ASTN1: variants seen among roughly 807,000 people sequenced by gnomAD.
ASTN1 encodes the protein astrotactin 1, also known as astrotactin-1.
Under a neutral mutation model 140.7 loss-of-function variants are expected in ASTN1, and 41 were observed. That is an observed-to-expected ratio of 0.29 (90% CI 0.23 to 0.38). The LOEUF is 0.38. Among genes scored for constraint, ASTN1 ranks in the 10% least tolerant of loss-of-function variants. The pLI is 1.00. For missense variants in ASTN1, 1,479 were observed against 1,678.8 expected (o/e 0.88, Z 2.08); for synonymous variants, 640 against 652.2 (o/e 0.98, Z 0.29).
At chr1:177,011,460 G>A (rs1021161448) in intron 8 of ASTN1, among the ~76,000 whole-genome samples, 1 of 152,068 alleles carries the variant, frequency 6.6e-6, no homozygotes, top group African/African-American at 2.4e-5. Flanking sequence ...GACCATAATA[G>A]GTAATGGGGT....
Position 177,068,485 on chromosome 1 carries a change from A to G in ASTN1, c.284-7220T>C, listed in dbSNP as rs542606184. Among the ~76,000 whole-genome samples, 31 of 152,178 alleles carry G rather than the reference A, an allele frequency of 2.0e-4. 1 individual carries two copies. Among genetic ancestry groups the G allele is most frequent in the Non-Finnish European group, 4.1e-4 (28 of 68,016 alleles). On this transcript the variant is annotated intron_variant, in intron 1 of 22. Coordinates refer to ENST00000361833, the MANE Select transcript of ASTN1 (RefSeq NM_004319.3). ...CATTACCCTTAAAGGCAAAAACAAC[A>G]GAGCCTCATAGCATGAGTGATTCAG...
At chr1:176,912,701 C>T (rs1670297308) in intron 16 of ASTN1, among the ~76,000 whole-genome samples, 1 of 152,166 alleles carries the variant, frequency 6.6e-6, no homozygotes. Context: ...TACTACCTCC[C>T]ATAATGGTAA....
chr1:177,112,487 A>G (rs1199867051), intron 1 of ASTN1, among the ~76,000 whole-genome samples: 2 of 152,192 alleles, frequency 1.3e-5, no homozygotes, highest in East Asian at 3.9e-4. Flanking sequence ...CACATGGGCA[A>G]CAATCAGACC....
Position 176,894,554 on chromosome 1 carries a change from C to T in ASTN1, c.2940+8G>A. 6.2e-7 allele frequency: 1 copy of T among 1,613,210 alleles called. No homozygotes were observed. The highest frequency in any genetic ancestry group is 1.1e-5 in the South Asian group (1 of 90,916). On this transcript the variant is annotated splice_region_variant and intron_variant, in intron 17 of 22. Coordinates refer to ENST00000361833, the MANE Select transcript of ASTN1 (RefSeq NM_004319.3). The stretch of plus-strand genomic sequence containing the variant: ...GCCTCCCAGAGCCAAGAGTCCCAGG[C>T]CTCTTACCCTCTGGGTCTGGTTGTT...
intron 1 of ASTN1, among the ~76,000 whole-genome samples, chr1:177,129,923 T>C (rs1558116966): frequency 6.6e-6 from 1 of 152,046 alleles, no homozygotes; most frequent in East Asian, 1.9e-4. Flanking sequence ...GCCAAGATCT[T>C]GACACTGCGC....
Position 176,906,492 on chromosome 1 carries a change from A to G in ASTN1, c.2672-11662T>C, listed in dbSNP as rs923708187. 2.0e-5 allele frequency among the ~76,000 whole-genome samples: 3 copies of G among 152,158 alleles called. No homozygotes were observed. The East Asian group carries it at 5.8e-4, about 29-fold the overall frequency. ...CGTGGGGCAGACAGAAGAGTAGACAATGATATGATAAGAGGTGTTATTAGT... is the reference window on the plus strand; with the variant it reads ...CGTGGGGCAGACAGAAGAGTAGACAGTGATATGATAAGAGGTGTTATTAGT... On this transcript the variant is annotated intron_variant, in intron 16 of 22. Transcript: ENST00000361833.
downstream of ASTN1, among the ~76,000 whole-genome samples, chr1:176,860,821 T>C (rs183545939): frequency 2.0e-5 from 3 of 152,336 alleles, no homozygotes; most frequent in East Asian, 5.8e-4. Flanking sequence ...GTGCAACAAA[T>C]ACATTTCACC....
intron 8 of ASTN1, among the ~76,000 whole-genome samples, chr1:176,999,774 G>A (rs1191429645): frequency 6.6e-6 from 1 of 152,150 alleles, no homozygotes; most frequent in Admixed American, 6.5e-5. Context: ...TCTCGGGATA[G>A]TGAGTGGGTT....
rs1349559702 is a variant in ASTN1, at chr1:176,876,527, T to C, written c.3463+10A>G. ...CCTTCAGAAACACTGCTAACTTCGA[T>C]GTCTCTTACCTTGAGCCTTGACATC... On this transcript the variant is annotated intron_variant, in intron 21 of 22. Transcript: ENST00000361833. 3.7e-6 allele frequency: 6 copies of C among 1,613,902 alleles called. No individual in the cohort carries two copies. The highest frequency in any genetic ancestry group is 5.1e-6 in the Non-Finnish European group (6 of 1,179,892).
chr1:177,036,016 G>C (rs1676697212), intron 2 of ASTN1, among the ~76,000 whole-genome samples: 1 of 150,270 alleles, frequency 6.7e-6, no homozygotes, highest in Non-Finnish European at 1.5e-5. Context: ...AGTGACTCTG[G>C]ATGGGATGAC....
intron 14 of ASTN1, 53 bp from the exon 15 acceptor site, chr1:176,936,423 A>T (rs1230404604): frequency 6.8e-6 from 10 of 1,472,252 alleles, no homozygotes; most frequent in Non-Finnish European, 8.5e-6. Flanking sequence ...ATAAGTTCCA[A>T]ATCAAAAAGC....
intron 14 of ASTN1, among the ~76,000 whole-genome samples, chr1:176,938,980 T>C (rs1210253284): frequency 6.6e-6 from 1 of 151,654 alleles, no homozygotes; most frequent in Non-Finnish European, 1.5e-5. Context: ...AAAAAACAGC[T>C]GGGTGCCTGT....
intron 16 of ASTN1, among the ~76,000 whole-genome samples, chr1:176,914,720 G>A (rs1670405722): frequency 6.6e-6 from 1 of 152,128 alleles, no homozygotes; most frequent in Admixed American, 6.5e-5. Context: ...AGACCGGAGG[G>A]AAAAATAGCC....
Position 177,164,659 on chromosome 1 carries a change from G to A in ASTN1, c.18C>T (p.Leu6=), listed in dbSNP as rs774838686. MALAG[L]CALLACCWGP... ...CCCAGCAGCAGGCGAGCAGGGCGCA[G>A]AGCCCGGCTAAAGCCATCTTGAGCC... The change falls in exon 1 of 23, where the codon CTC becomes CTT. Residue 6 remains leucine, a synonymous_variant. Transcript: ENST00000361833. 11 of 1,589,088 alleles carry A rather than the reference G, an allele frequency of 6.9e-6. No individual in the cohort carries two copies. The Admixed American group carries it at 2.0e-4, about 29-fold the overall frequency.
At chr1:177,153,982 G>A (rs1683144211) in intron 1 of ASTN1, among the ~76,000 whole-genome samples, 1 of 152,136 alleles carries the variant, frequency 6.6e-6, no homozygotes, top group South Asian at 2.1e-4. Flanking sequence ...TACTACTGAT[G>A]AGAGTACAAA....
At chr1:176,992,187 A>G (rs1197102665) in intron 8 of ASTN1, among the ~76,000 whole-genome samples, 1 of 152,174 alleles carries the variant, frequency 6.6e-6, no homozygotes, top group Middle Eastern at 3.2e-3. Context: ...GAACCATGGA[A>G]ATAAAGTGTA....
chr1:176,988,881 C>A (rs1382906725), intron 8 of ASTN1, among the ~76,000 whole-genome samples: 1 of 152,158 alleles, frequency 6.6e-6, no homozygotes, highest in Non-Finnish European at 1.5e-5. Flanking sequence ...ATATATACAC[C>A]TCCTGTCTAT....
chr1:176,980,436 A>C (rs2101879491), intron 8 of ASTN1, among the ~76,000 whole-genome samples: 1 of 151,964 alleles, frequency 6.6e-6, no homozygotes, highest in East Asian at 1.9e-4. Context: ...GGCTGGTTTT[A>C]CAGAATGCCT....
chr1:177,051,576 A>G (rs1677545702), intron 2 of ASTN1, among the ~76,000 whole-genome samples: 1 of 152,202 alleles, frequency 6.6e-6, no homozygotes, highest in South Asian at 2.1e-4. Context: ...CCATGGACAC[A>G]TGGCTGGCTA....
Sources: gnomAD v4.1 joint callset for allele counts (sites outside exome capture counted in the v4.1 genomes callset) on GRCh38, gnomAD v4.1.1 for gene constraint, MANE v1.5 for transcripts, NCBI Gene and HGNC (gene_info 2026-07-23, HGNC 2026-07-21) for gene names.